The following FAM184B variants were observed in gnomAD, a reference collection of about 807,000 sequenced individuals.
FAM184B encodes protein FAM184B.
FAM184B carries 111 observed loss-of-function variants against 135.9 expected under a neutral mutation model. The ratio of observed to expected loss-of-function variants is 0.82; its 90% CI spans 0.70 to 0.96. FAM184B has a LOEUF of 0.96. Ranked by LOEUF, FAM184B falls within the 40% of genes least tolerant of loss-of-function variation. The probability of loss-of-function intolerance (pLI) is 0.00; values close to 1 mark genes in which losing one functional copy is unlikely to be tolerated. For synonymous variants in FAM184B, 552 were observed against 524.8 expected, an observed-to-expected ratio of 1.05 and a Z score of -0.71; for missense variants, 1,375 against 1,323.9, an observed-to-expected ratio of 1.04 and a Z score of -0.60.
At position 17,632,458 on chromosome 4, in the gene FAM184B, GT is replaced by G; in HGVS notation, c.*73del. On this transcript the variant is annotated 3_prime_UTR_variant, in exon 18 of 18. Coordinates refer to ENST00000265018, the MANE Select transcript of FAM184B (RefSeq NM_015688.2). ...CATATTATTTGGTTGGTTGGTGTTA[GT>G]TCATTCCTTCAATCGGATGATTTAA... is the stretch of plus-strand genomic sequence containing the variant. The G allele has an allele frequency of 7.8e-7, 1 of 1,282,070 alleles. No individual in the cohort carries two copies. 79.4% of individuals were successfully genotyped at this position (1,282,070 alleles called of 1,614,324 possible). A position where few individuals can be genotyped will look rare whatever the true frequency, so the allele number is the denominator to read the frequency against.
intron 6 of FAM184B, among the ~76,000 whole-genome samples, chr4:17,689,506 T>C (rs1436997970): frequency 6.6e-6 from 1 of 152,164 alleles, no homozygotes; most frequent in Non-Finnish European, 1.5e-5. Flanking sequence ...TTTAAGGAGC[T>C]GTCATTTTAT....
chr4:17,732,771 G>A (rs1038484491), intron 1 of FAM184B, among the ~76,000 whole-genome samples: 1 of 152,146 alleles, frequency 6.6e-6, no homozygotes, highest in African/African-American at 2.4e-5. Context: ...GGAGGAGCTG[G>A]TACGATTCCT....
chr4:17,674,666 G>A (rs1329508908), intron 7 of FAM184B, among the ~76,000 whole-genome samples: 2 of 152,152 alleles, frequency 1.3e-5, no homozygotes, highest in Admixed American at 1.3e-4. Context: ...AAAAATTGGA[G>A]GCAATCCTCT....
In FAM184B at chr4:17,778,160, A is replaced by G. The variant is rs182894418; in HGVS notation, c.141+2999T>C. 3.1e-3 allele frequency among the ~76,000 whole-genome samples: 466 copies of G among 152,348 alleles called. 4 individuals carry two copies. The highest frequency in any genetic ancestry group is 3.6e-3 in the Non-Finnish European group (245 of 68,038). On this transcript the variant is annotated intron_variant, in intron 1 of 17. Transcript: ENST00000265018. Reference sequence around the variant, plus strand: ...GTTCTAGAAAACCTGCTGGACAGTAAAAATAAACAAAACAAATCTGAAATG... The same window carrying G: ...GTTCTAGAAAACCTGCTGGACAGTAGAAATAAACAAAACAAATCTGAAATG...
intron 7 of FAM184B, among the ~76,000 whole-genome samples, chr4:17,682,790 C>A (rs1396375299): frequency 6.6e-6 from 1 of 152,176 alleles, no homozygotes. Context: ...TGAGCCACTG[C>A]GCCTGGACTG....
chr4:17,758,609 G>A (rs1418375762), intron 1 of FAM184B, among the ~76,000 whole-genome samples: 1 of 152,232 alleles, frequency 6.6e-6, no homozygotes, highest in Non-Finnish European at 1.5e-5. Flanking sequence ...CATCTACAGA[G>A]GGGTAACTTG....
At chr4:17,702,394 G>A (rs962848826) in intron 5 of FAM184B, among the ~76,000 whole-genome samples, 30 of 152,164 alleles carry the variant, frequency 2.0e-4, no homozygotes, top group African/African-American at 7.2e-4. Context: ...TTCGGTGACA[G>A]TATCATCTAA....
chr4:17,667,945 G>A (rs1376193783), intron 7 of FAM184B, among the ~76,000 whole-genome samples: 2 of 152,112 alleles, frequency 1.3e-5, no homozygotes, highest in African/African-American at 4.8e-5. Context: ...TCTATCCTGG[G>A]CCTGTGTGTA....
intron 1 of FAM184B, among the ~76,000 whole-genome samples, chr4:17,763,613 C>T (rs1444384694): frequency 6.6e-6 from 1 of 152,112 alleles, no homozygotes; most frequent in East Asian, 1.9e-4. Context: ...CTGTTGCTGG[C>T]TCTTGTCTGC....
At chr4:17,725,774 A>T (rs1210650495) in intron 1 of FAM184B, among the ~76,000 whole-genome samples, 5 of 152,160 alleles carry the variant, frequency 3.3e-5, no homozygotes, top group Non-Finnish European at 7.3e-5. Flanking sequence ...TTGCCTTTTT[A>T]AAAAGAAAGG....
At chr4:17,688,062 G>A (rs908797068) in intron 7 of FAM184B, among the ~76,000 whole-genome samples, 1 of 152,178 alleles carries the variant, frequency 6.6e-6, no homozygotes, top group African/African-American at 2.4e-5. Flanking sequence ...GCAGACAGCC[G>A]GGGCAAGAGA....
At chr4:17,778,293 C>T (rs1718971706) in intron 1 of FAM184B, among the ~76,000 whole-genome samples, 2 of 152,186 alleles carry the variant, frequency 1.3e-5, no homozygotes, top group African/African-American at 4.8e-5. Flanking sequence ...GTACTATCAT[C>T]AGTGTGGTGT....
intron 1 of FAM184B, among the ~76,000 whole-genome samples, chr4:17,763,392 GCACACACACACAAACA>G (rs1327512102): frequency 6.7e-6 from 1 of 149,052 alleles, no homozygotes; most frequent in Non-Finnish European, 1.5e-5. Flanking sequence ...CTTTCAGAGG[GCACACACACACAAACA>G]CACACACACA....
At chr4:17,728,782 C>T (rs567433520) in intron 1 of FAM184B, among the ~76,000 whole-genome samples, 2 of 152,188 alleles carry the variant, frequency 1.3e-5, no homozygotes, top group South Asian at 2.1e-4. Flanking sequence ...CCAAGATGGC[C>T]GAATAGGAAC....
chr4:17,650,467 G>T (rs1221503739), intron 11 of FAM184B, among the ~76,000 whole-genome samples: 2 of 152,126 alleles, frequency 1.3e-5, no homozygotes, highest in Non-Finnish European at 2.9e-5. Context: ...TTTCCCCAGG[G>T]TCTTTCCAGG....
chr4:17,742,568 A>C (rs1718068961), intron 1 of FAM184B, among the ~76,000 whole-genome samples: 1 of 152,142 alleles, frequency 6.6e-6, no homozygotes, highest in Admixed American at 6.5e-5. Flanking sequence ...TGCCTATAAA[A>C]GATTTCAGCT....
Position 17,742,137 on chromosome 4 carries a change from AATATATATATAT to A in FAM184B, c.142-32505_142-32494del, listed in dbSNP as rs372209332. 5.3e-4 allele frequency among the ~76,000 whole-genome samples: 14 copies of A among 26,462 alleles called. No individual in the cohort carries two copies. In the South Asian group the frequency reaches 8.8e-3, roughly 17 times the overall value. 17.4% of individuals were successfully genotyped at this position (26,462 alleles called of 152,430 possible). ...AAATATACATATACATATACATATG[AATATATATATAT>A]ATATATATATATATATATATTTTTT... On this transcript the variant is annotated intron_variant, in intron 1 of 17. Coordinates refer to ENST00000265018, the MANE Select transcript of FAM184B (RefSeq NM_015688.2).
chr4:17,693,578 G>T lies in FAM184B; in HGVS notation c.1378-166C>A, dbSNP rs532264683. 8.5e-5 allele frequency among the ~76,000 whole-genome samples: 13 copies of T among 152,276 alleles called. No individual in the cohort carries two copies. The South Asian group carries it at 2.5e-3, about 29-fold the overall frequency. ...ACGAGAAGGTCAAAAGAAAACACGT[G>T]TTAACGTCACAACACAAAGCCTGAT... is the stretch of plus-strand genomic sequence containing the variant. On this transcript the variant is annotated intron_variant, in intron 5 of 17. Coordinates refer to ENST00000265018, the MANE Select transcript of FAM184B (RefSeq NM_015688.2).
intron 10 of FAM184B, among the ~76,000 whole-genome samples, chr4:17,656,226 G>A (rs1386707171): frequency 6.6e-6 from 1 of 152,082 alleles, no homozygotes; most frequent in Non-Finnish European, 1.5e-5. Context: ...GATACACAAA[G>A]GTCCATGTCA....
Sources: gnomAD v4.1 joint callset for allele counts (sites outside exome capture counted in the v4.1 genomes callset) on GRCh38, gnomAD v4.1.1 for gene constraint, MANE v1.5 for transcripts, NCBI Gene and HGNC (gene_info 2026-07-23, HGNC 2026-07-21) for gene names.